Variants in AUTS2 observed in about 807,000 individuals in gnomAD.
AUTS2 encodes the protein autism susceptibility gene 2 protein.
A neutral mutation model predicts 112.4 loss-of-function variants in AUTS2; 17 were observed. The ratio of observed to expected loss-of-function variants is 0.15; its 90% CI spans 0.10 to 0.23. The LOEUF (loss-of-function observed/expected upper bound fraction) is 0.23. Ranked by LOEUF, AUTS2 falls within the 10% of genes least tolerant of loss-of-function variation. The pLI is 1.00. For missense variants in AUTS2, 1,510 were observed against 1,701.6 expected (o/e 0.89, Z 1.98); for synonymous variants, 751 against 702.7 (o/e 1.07, Z -1.09).
intron 2 of AUTS2, among the ~76,000 whole-genome samples, chr7:69,975,365 A>G (rs1246626806): frequency 1.3e-5 from 2 of 151,982 alleles, no homozygotes; most frequent in Non-Finnish European, 2.9e-5. Context: ...TTGTATTATC[A>G]TAGCTTTTTG....
intron 5 of AUTS2, among the ~76,000 whole-genome samples, chr7:70,442,884 T>A (rs1796176987): frequency 6.6e-6 from 1 of 152,206 alleles, no homozygotes; most frequent in Admixed American, 6.5e-5. Flanking sequence ...AAATGACATT[T>A]TATTGTTCTT....
At chr7:70,657,326 G>C (rs900111273) in intron 5 of AUTS2, among the ~76,000 whole-genome samples, 1 of 152,198 alleles carries the variant, frequency 6.6e-6, no homozygotes, top group African/African-American at 2.4e-5. Flanking sequence ...TTCCGAAGAG[G>C]CAGGGGAGCT....
intron 4 of AUTS2, among the ~76,000 whole-genome samples, chr7:70,211,523 C>A (rs936302952): frequency 1.3e-5 from 2 of 150,908 alleles, no homozygotes; most frequent in African/African-American, 4.9e-5. Context: ...GTGGTGGGCG[C>A]CTGTAGTCCC....
chr7:69,740,762 T>C (rs1294645160), intron 1 of AUTS2, among the ~76,000 whole-genome samples: 1 of 152,130 alleles, frequency 6.6e-6, no homozygotes, highest in Non-Finnish European at 1.5e-5. Flanking sequence ...CCTTAGGTAA[T>C]CTGCCCGCCT....
intron 1 of AUTS2, among the ~76,000 whole-genome samples, chr7:69,600,729 G>A (rs1792355020): frequency 6.6e-6 from 1 of 151,872 alleles, no homozygotes; most frequent in Non-Finnish European, 1.5e-5. Flanking sequence ...GTGTGTACAT[G>A]AGCAATTTAG....
At chr7:70,129,128 C>T (rs974026631) in intron 3 of AUTS2, among the ~76,000 whole-genome samples, 1 of 152,028 alleles carries the variant, frequency 6.6e-6, no homozygotes, top group Non-Finnish European at 1.5e-5. Flanking sequence ...GTTTTGGAGG[C>T]TGACAAGTCC....
chr7:70,513,491 G>A (rs553479098), intron 5 of AUTS2, among the ~76,000 whole-genome samples: 149 of 152,232 alleles, frequency 9.8e-4, no homozygotes, highest in African/African-American at 3.5e-3. Flanking sequence ...AGCCTGGAAG[G>A]CATATAATCT....
chr7:70,132,993 G>T lies in AUTS2; in HGVS notation c.625-1543G>T, dbSNP rs370282227. Reference sequence around the variant, plus strand: ...GCTGTGGGTGCTGGAAACAGGTGATGCTGTCATATGGCTAGTCACTGGTAT... The same window carrying T: ...GCTGTGGGTGCTGGAAACAGGTGATTCTGTCATATGGCTAGTCACTGGTAT... On this transcript the variant is annotated intron_variant, in intron 3 of 18. Transcript: ENST00000342771. Among the ~76,000 whole-genome samples, 66 of 152,260 alleles carry T rather than the reference G, an allele frequency of 4.3e-4. 2 individuals carry two copies. The South Asian group carries it at 0.013, about 31-fold the overall frequency.
chr7:69,800,704 A>G (rs1012853207), intron 1 of AUTS2, among the ~76,000 whole-genome samples: 1 of 152,192 alleles, frequency 6.6e-6, no homozygotes, highest in African/African-American at 2.4e-5. Flanking sequence ...TTGGAGGCAT[A>G]GAAGCTCTTG....
intron 1 of AUTS2, among the ~76,000 whole-genome samples, chr7:69,850,598 T>C (rs1039194252): frequency 2.0e-5 from 3 of 152,072 alleles, no homozygotes; most frequent in South Asian, 2.1e-4. Context: ...ATTTCCCTAA[T>C]GGTTAGTGAT....
At chr7:69,882,574 C>T (rs1166222408) in intron 1 of AUTS2, among the ~76,000 whole-genome samples, 1 of 151,998 alleles carries the variant, frequency 6.6e-6, no homozygotes, top group Non-Finnish European at 1.5e-5. Flanking sequence ...GCTATGTGAC[C>T]TTGGGAATAT....
intron 2 of AUTS2, among the ~76,000 whole-genome samples, chr7:69,913,206 A>T (rs1179947364): frequency 6.6e-6 from 1 of 152,118 alleles, no homozygotes; most frequent in African/African-American, 2.4e-5. Context: ...GTTCAGACCC[A>T]CTTCTTCCTT....
chr7:69,852,530 G>T (rs1792531144), intron 1 of AUTS2, among the ~76,000 whole-genome samples: 1 of 152,026 alleles, frequency 6.6e-6, no homozygotes. Context: ...TCTGCTCACT[G>T]CAACCTCCGC....
At chr7:70,783,851 C>T (rs895823941) in intron 15 of AUTS2, 4 of 152,202 alleles carry the variant, frequency 2.6e-5, no homozygotes, top group Non-Finnish European at 5.9e-5. Context: ...TAGTAAGTAG[C>T]CTCGTATTAA....
At chr7:69,804,323 A>G (rs1790209939) in intron 1 of AUTS2, among the ~76,000 whole-genome samples, 1 of 152,190 alleles carries the variant, frequency 6.6e-6, no homozygotes, top group Admixed American at 6.5e-5. Flanking sequence ...TGTTGCAGGT[A>G]TCCCCCAGTG....
intron 1 of AUTS2, among the ~76,000 whole-genome samples, chr7:69,796,573 G>A (rs980717303): frequency 6.6e-6 from 1 of 151,854 alleles, no homozygotes; most frequent in South Asian, 2.1e-4. Context: ...CATGAGTCCT[G>A]CCATGCAGTC....
chr7:69,986,561 G>A (rs1435538074), intron 2 of AUTS2, among the ~76,000 whole-genome samples: 2 of 152,150 alleles, frequency 1.3e-5, no homozygotes, highest in African/African-American at 4.8e-5. Context: ...TTGGCCAAAG[G>A]CCACTGTAAA....
rs146445560 is a variant in AUTS2 at position 70,280,339 on chromosome 7, A to G, written c.660+145768A>G. Among the ~76,000 whole-genome samples the G allele has an allele frequency of 5.5e-3, 780 of 141,138 alleles. 1 individual carries two copies. The highest frequency in any genetic ancestry group is 8.9e-3 in the Non-Finnish European group (590 of 66,530). 92.6% of individuals were successfully genotyped at this position (141,138 alleles called of 152,430 possible). ...TCGCTCTGTCCCCAGGCTGGAGTGC[A>G]GTGGCACGATGTCAGCTCACTGCAA... On this transcript the variant is annotated intron_variant, in intron 4 of 18. Transcript: ENST00000342771.
chr7:70,741,885 G>A (rs368891574), intron 6 of AUTS2, among the ~76,000 whole-genome samples: 8 of 152,148 alleles, frequency 5.3e-5, no homozygotes, highest in South Asian at 2.1e-4. Flanking sequence ...TGCTACACTC[G>A]TAGCACACAC....
Sources: allele counts gnomAD v4.1 joint callset (sites outside exome capture counted in the v4.1 genomes callset), GRCh38; gene constraint gnomAD v4.1.1; transcripts MANE v1.5; gene names NCBI Gene and HGNC (gene_info 2026-07-23, HGNC 2026-07-21).